Variants in FAM171B observed in about 807,000 individuals in gnomAD.
FAM171B encodes family with sequence similarity 171 member B, also known as protein FAM171B.
FAM171B carries 19 observed loss-of-function variants against 75.6 expected under a neutral mutation model. That is an observed-to-expected ratio of 0.25 (90% CI 0.18 to 0.37). The LOEUF is 0.37. FAM171B is among the 10% of genes least tolerant of loss of function. The probability of loss-of-function intolerance (pLI) is 1.00; values close to 1 mark genes in which losing one functional copy is unlikely to be tolerated. For missense variants in FAM171B, 848 were observed against 982.4 expected, an observed-to-expected ratio of 0.86 and a Z score of 1.83; for synonymous variants, 367 against 361.7, an observed-to-expected ratio of 1.01 and a Z score of -0.17.
chr2:186,733,605 G>T lies in FAM171B; in HGVS notation c.239-6623G>T, dbSNP rs909331944. On this transcript the variant is annotated intron_variant, in intron 1 of 7. Coordinates refer to ENST00000304698, the MANE Select transcript of FAM171B (RefSeq NM_177454.4). ...TGGCCTGGATCCCATGCCTGCCAAG[G>T]GTGAGCCAGGCACAGAACATTGAGG... 1.6e-4 allele frequency among the ~76,000 whole-genome samples: 24 copies of T among 152,302 alleles called. No individual in the cohort carries two copies. The Middle Eastern group carries it at 0.014, about 86-fold the overall frequency.
intron 1 of FAM171B, among the ~76,000 whole-genome samples, chr2:186,737,367 T>G (rs1026967749): frequency 2.0e-5 from 3 of 152,224 alleles, no homozygotes; most frequent in Non-Finnish European, 2.9e-5. Flanking sequence ...TTCTTTCTCT[T>G]TTTTTAGGAG....
chr2:186,716,657 C>T (rs369082905), intron 1 of FAM171B, among the ~76,000 whole-genome samples: 2 of 151,918 alleles, frequency 1.3e-5, no homozygotes, highest in African/African-American at 4.8e-5. Flanking sequence ...GTAGGTATGT[C>T]GTTTTAGAGG....
At chr2:186,754,281 A>C (rs941265754) in intron 6 of FAM171B, among the ~76,000 whole-genome samples, 9 of 152,222 alleles carry the variant, frequency 5.9e-5, no homozygotes, top group Non-Finnish European at 1.0e-4. Flanking sequence ...AAGTTTGTTC[A>C]AATCAAGTAT....
chr2:186,720,668 G>A (rs534875566), intron 1 of FAM171B, among the ~76,000 whole-genome samples: 4 of 102,068 alleles, frequency 3.9e-5, no homozygotes, highest in African/African-American at 1.5e-4. Flanking sequence ...ATAGTTTTTT[G>A]TATTTTCCAA....
At chr2:186,736,238 T>G (rs1574106707) in intron 1 of FAM171B, among the ~76,000 whole-genome samples, 1 of 152,154 alleles carries the variant, frequency 6.6e-6, no homozygotes, top group Non-Finnish European at 1.5e-5. Context: ...ACCAGGCAGA[T>G]GTAGGGCAAT....
chr2:186,746,790 G>A lies in FAM171B; in HGVS notation c.566-302G>A, dbSNP rs145528515. On this transcript the variant is annotated intron_variant, in intron 3 of 7. Transcript: ENST00000304698. ...GGCATGCACCATCAACTCCACTACC[G>A]TTACAGAAATGAGACCCCAAATGAA... 7.6e-4 allele frequency among the ~76,000 whole-genome samples: 115 copies of A among 152,240 alleles called. 3 individuals are homozygous for A. In the East Asian group the frequency reaches 0.017, roughly 23 times the overall value.
chr2:186,722,565 A>G (rs185523070), intron 1 of FAM171B, among the ~76,000 whole-genome samples: 1 of 152,318 alleles, frequency 6.6e-6, no homozygotes, highest in East Asian at 1.9e-4. Context: ...TCAAGTTTTG[A>G]ATGCATGAAA....
chr2:186,694,526 A>G (rs1391883819), intron 1 of FAM171B, 115 bp downstream of exon 1: 5 of 1,340,348 alleles, frequency 3.7e-6, no homozygotes, highest in African/African-American at 1.5e-5. Flanking sequence ...TCCTGTCACC[A>G]TCCCTCCCGA....
At chr2:186,725,345 A>G (rs74804425) in intron 1 of FAM171B, among the ~76,000 whole-genome samples, 2 of 148,504 alleles carry the variant, frequency 1.3e-5, no homozygotes, top group Non-Finnish European at 3.0e-5. Flanking sequence ...CTCTGTCTCA[A>G]AAAAAAAAAA....
At chr2:186,722,390 C>T (rs905017332) in intron 1 of FAM171B, among the ~76,000 whole-genome samples, 12 of 152,020 alleles carry the variant, frequency 7.9e-5, no homozygotes, top group East Asian at 1.9e-4. Flanking sequence ...TGTTTCTTTT[C>T]GGCATTAAAG....
intron 1 of FAM171B, among the ~76,000 whole-genome samples, chr2:186,717,837 A>C (rs1434438954): frequency 1.3e-5 from 2 of 152,064 alleles, no homozygotes; most frequent in African/African-American, 4.8e-5. Flanking sequence ...AGCTTTCTTC[A>C]TGCTTAGTTG....
intron 1 of FAM171B, among the ~76,000 whole-genome samples, chr2:186,739,439 T>A (rs1040642170): frequency 1.3e-5 from 2 of 152,208 alleles, no homozygotes; most frequent in African/African-American, 2.4e-5. Flanking sequence ...CTGTACAAAT[T>A]TTTTTCTATC....
intron 1 of FAM171B, among the ~76,000 whole-genome samples, chr2:186,734,426 G>A (rs546559475): frequency 2.3e-4 from 35 of 152,144 alleles, no homozygotes; most frequent in Non-Finnish European, 3.4e-4. Flanking sequence ...CTCAAAGAGC[G>A]TGCAGCCCTC....
chr2:186,755,548 C>T (rs2105791403), intron 6 of FAM171B, among the ~76,000 whole-genome samples: 2 of 152,244 alleles, frequency 1.3e-5, no homozygotes, highest in South Asian at 4.2e-4. Flanking sequence ...TACCCTGATC[C>T]AGAACATGGA....
At chr2:186,745,068 G>A (rs946334613) in intron 3 of FAM171B, among the ~76,000 whole-genome samples, 4 of 152,108 alleles carry the variant, frequency 2.6e-5, no homozygotes, top group African/African-American at 4.8e-5. Context: ...GACCTCAAGC[G>A]ATCCGCCCAT....
chr2:186,732,311 G>A (rs752527025), intron 1 of FAM171B, among the ~76,000 whole-genome samples: 1 of 152,100 alleles, frequency 6.6e-6, no homozygotes, highest in Non-Finnish European at 1.5e-5. Context: ...AGTTCTCAAT[G>A]ATGATTGCAA....
chr2:186,712,260 T>C (rs1470298817), intron 1 of FAM171B, among the ~76,000 whole-genome samples: 1 of 152,222 alleles, frequency 6.6e-6, no homozygotes, highest in East Asian at 1.9e-4. Context: ...TAATGTTTAA[T>C]TATCTAAGTG....
intron 5 of FAM171B, among the ~76,000 whole-genome samples, chr2:186,751,864 G>A (rs1165270415): frequency 6.6e-6 from 1 of 152,040 alleles, no homozygotes; most frequent in East Asian, 1.9e-4. Flanking sequence ...AGGAGTGTAA[G>A]TTACCAAAAA....
chr2:186,762,933 G>C lies in FAM171B; in HGVS notation c.*110G>C, dbSNP rs753619792. 5.7e-5 allele frequency: 76 copies of C among 1,331,120 alleles called. No individual in the cohort carries two copies. Among genetic ancestry groups the C allele is most frequent in the South Asian group, 7.3e-5 (5 of 68,262 alleles). The allele number at this position is 1,331,120 out of a possible 1,614,324, so 82.5% of individuals were successfully genotyped here. ...AGACTGAGCAATCTCATGGTTCTTGGACATGTCTCAAGCAGAGTAAATGGT... is the reference window on the plus strand; with the variant it reads ...AGACTGAGCAATCTCATGGTTCTTGCACATGTCTCAAGCAGAGTAAATGGT... On this transcript the variant is annotated 3_prime_UTR_variant, in exon 8 of 8. Transcript: ENST00000304698. The surrounding 1 kb of genome is among the most constrained non-coding windows in gnomAD (Gnocchi z 4.0).
Sources: allele counts gnomAD v4.1 joint callset (sites outside exome capture counted in the v4.1 genomes callset), GRCh38; gene constraint gnomAD v4.1.1; non-coding constraint Gnocchi (gnomAD v3.1); transcripts MANE v1.5; gene names NCBI Gene and HGNC (gene_info 2026-07-23, HGNC 2026-07-21).